EFL1: variants seen among roughly 807,000 people sequenced by gnomAD.
EFL1 encodes elongation factor-like GTPase 1.
EFL1 carries 76 observed loss-of-function variants against 126.7 expected under a neutral mutation model. That is an observed-to-expected ratio of 0.60 (90% CI 0.50 to 0.73). The LOEUF is 0.73. EFL1 is among the 30% of genes least tolerant of loss of function. EFL1 has a pLI of 0.00. For synonymous variants in EFL1, 410 were observed against 448.4 expected (o/e 0.91, Z 1.08); for missense variants, 1,128 against 1,343.2 (o/e 0.84, Z 2.50).
chr15:82,187,762 C>G (rs184610153), intron 15 of EFL1, among the ~76,000 whole-genome samples: 2 of 152,082 alleles, frequency 1.3e-5, no homozygotes, highest in African/African-American at 4.8e-5. Context: ...TTTATATGCA[C>G]AGTATCTAAA....
intron 15 of EFL1, among the ~76,000 whole-genome samples, chr15:82,205,787 T>C (rs2074518319): frequency 6.6e-6 from 1 of 152,234 alleles, no homozygotes; most frequent in Non-Finnish European, 1.5e-5. Flanking sequence ...TCTTATACAA[T>C]ATCTATGGCA....
intron 4 of EFL1, among the ~76,000 whole-genome samples, chr15:82,251,344 T>G (rs990919699): frequency 6.6e-6 from 1 of 152,168 alleles, no homozygotes; most frequent in African/African-American, 2.4e-5. Flanking sequence ...CCTACAATAC[T>G]ACACCAGAAA....
chr15:82,157,625 C>T (rs2073981743), intron 17 of EFL1, 88 bp downstream of exon 17: 1 of 1,402,806 alleles, frequency 7.1e-7, no homozygotes. Flanking sequence ...AAATAAGCCG[C>T]AGTCTAAGTT....
At chr15:82,141,700 A>AG (rs1430409178) in intron 18 of EFL1, among the ~76,000 whole-genome samples, 2 of 151,390 alleles carry the variant, frequency 1.3e-5, no homozygotes, top group Non-Finnish European at 2.9e-5. Flanking sequence ...AAAAAAAAAA[A>AG]CAAAAAAGAA....
Position 82,152,008 on chromosome 15 carries a change from A to G in EFL1, c.2446T>C (p.Trp816Arg). ...KLEQHLTGRR[W>R]RNIVDQIWSF... Reference sequence around the variant, plus strand: ...CAGATTTGGTCAACAATGTTCCTCCATCTTCTCCCTGTTAGGTGTTGCTCC... The same window carrying G: ...CAGATTTGGTCAACAATGTTCCTCCGTCTTCTCCCTGTTAGGTGTTGCTCC... Residue 816 changes from tryptophan (W) to arginine (R), a missense_variant, in exon 18 of 20, where the codon TGG (tryptophan) becomes CGG (arginine). Physicochemically the swap from Trp to Arg is moderately radical, Grantham distance 101. Around this residue, in one of 6 missense-constraint regions of EFL1, gnomAD observed 561 missense variants for 641.7 expected, o/e 0.87. Transcript: ENST00000268206. 6.2e-7 allele frequency: 1 copy of G among 1,614,056 alleles called. No homozygotes were observed. The highest frequency in any genetic ancestry group is 8.5e-7 in the Non-Finnish European group (1 of 1,179,998).
intron 12 of EFL1, among the ~76,000 whole-genome samples, chr15:82,224,474 T>G (rs2074741630): frequency 6.6e-6 from 1 of 152,130 alleles, no homozygotes; most frequent in Non-Finnish European, 1.5e-5. Context: ...CTCAAGACAG[T>G]GAGGATCATT....
chr15:82,155,827 T>G (rs994041212), intron 17 of EFL1, among the ~76,000 whole-genome samples: 21 of 152,264 alleles, frequency 1.4e-4, no homozygotes, highest in African/African-American at 5.1e-4. Context: ...CATCAATTAG[T>G]AATAAGTTGA....
chr15:82,232,876 A>G (rs2074836411), intron 7 of EFL1, among the ~76,000 whole-genome samples: 1 of 152,014 alleles, frequency 6.6e-6, no homozygotes, highest in Non-Finnish European at 1.5e-5. Context: ...GATCAGTTAG[A>G]TTTCTGGTGT....
At chr15:82,159,162 T>G (rs74883851) in intron 16 of EFL1, among the ~76,000 whole-genome samples, 2 of 151,940 alleles carry the variant, frequency 1.3e-5, no homozygotes, top group Non-Finnish European at 2.9e-5. Flanking sequence ...ATTTTTTTTT[T>G]GTCTAATTAA....
intron 18 of EFL1, among the ~76,000 whole-genome samples, chr15:82,150,692 G>C (rs2073897383): frequency 6.6e-6 from 1 of 152,180 alleles, no homozygotes; most frequent in Non-Finnish European, 1.5e-5. Flanking sequence ...AATAGGATTT[G>C]ATATAATGGT....
intron 19 of EFL1, among the ~76,000 whole-genome samples, chr15:82,134,111 C>T (rs1375194664): frequency 2.0e-5 from 3 of 152,098 alleles, no homozygotes; most frequent in African/African-American, 7.2e-5. Flanking sequence ...GTTAAAAGTC[C>T]CAATATCATA....
chr15:82,148,377 C>CA (rs547889990), intron 18 of EFL1, among the ~76,000 whole-genome samples: 20,983 of 94,036 alleles, frequency 0.22, 2,491 homozygotes, highest in African/African-American at 0.41. Flanking sequence ...GAATCCATCT[C>CA]AAAAAAAAAA....
At chr15:82,130,906 T>C (rs576441139) in intron 19 of EFL1, among the ~76,000 whole-genome samples, 24 of 152,072 alleles carry the variant, frequency 1.6e-4, no homozygotes, top group Non-Finnish European at 2.8e-4. Flanking sequence ...TCCCTGCTAC[T>C]AGGGAGGCTG....
chr15:82,259,203 G>A lies in EFL1; in HGVS notation c.92-48C>T, dbSNP rs566900243. 30 of 1,513,882 alleles carry A rather than the reference G, an allele frequency of 2.0e-5. No homozygotes were observed. The African/African-American group carries it at 2.9e-4, about 15-fold the overall frequency. 93.8% of individuals were successfully genotyped at this position (1,513,882 alleles called of 1,614,324 possible). On this transcript the variant is annotated intron_variant, in intron 2 of 19. Coordinates refer to ENST00000268206, the MANE Select transcript of EFL1 (RefSeq NM_024580.6). The stretch of plus-strand genomic sequence containing the variant: ...TCAAATCTATATCTTTTTTAAAAGG[G>A]GTCATGGATCATACCTATAGATTTA...
Position 82,261,697 on chromosome 15 carries a change from C to T in EFL1, c.82G>A (p.Val28Ile). 6.2e-7 allele frequency: 1 copy of T among 1,613,858 alleles called. No individual in the cohort carries two copies. Among genetic ancestry groups the T allele is most frequent in the Non-Finnish European group, 8.5e-7 (1 of 1,179,970 alleles). ...TAAAAAGTATTCTTACCATGGTCAA[C>T]ATGAGCCAAAACACAAATATTCCTG... Reference protein sequence around the residue: ...NIRNICVLAHVDHGKTTLADC... With the variant: ...NIRNICVLAHIDHGKTTLADC... The change falls in exon 2 of 20, where the codon GTT (valine) becomes ATT (isoleucine). Residue 28 changes from valine to isoleucine, a missense_variant. Transcript: ENST00000268206.
intron 14 of EFL1, among the ~76,000 whole-genome samples, chr15:82,218,709 G>A (rs1207750575): frequency 6.6e-6 from 1 of 152,182 alleles, no homozygotes; most frequent in Non-Finnish European, 1.5e-5. Flanking sequence ...CACACCAAGT[G>A]CTGCAATCTT....
At chr15:82,219,868 A>G in intron 13 of EFL1, 50 bp from the exon 14 acceptor site, 5 of 1,564,804 alleles carry the variant, frequency 3.2e-6, no homozygotes, top group Non-Finnish European at 4.3e-6. Context: ...TCTTAATTCA[A>G]GAACTGTCTG....
chr15:82,214,449 G>A lies in EFL1; in HGVS notation c.1750+268C>T, dbSNP rs13380317. 0.67 allele frequency among the ~76,000 whole-genome samples: 101,136 copies of A among 152,002 alleles called. 35,393 individuals carry two copies. Among genetic ancestry groups the A allele is most frequent in the African/African-American group, 0.89 (36,820 of 41,492 alleles). On this transcript the variant is annotated intron_variant, in intron 15 of 19. Coordinates refer to ENST00000268206, the MANE Select transcript of EFL1 (RefSeq NM_024580.6). ...TATGTGAACAGGAATTTCCCCTCTC[G>A]CTCTGAAATAAATGGAACTCCAGCT...
At chr15:82,163,659 G>T (rs2074046442) in intron 16 of EFL1, among the ~76,000 whole-genome samples, 194 bp downstream of exon 16, 3 of 152,206 alleles carry the variant, frequency 2.0e-5, no homozygotes. Flanking sequence ...TCCCTGGACA[G>T]CAAAGGTACC....
Sources: allele counts gnomAD v4.1 joint callset (sites outside exome capture counted in the v4.1 genomes callset), GRCh38; gene constraint gnomAD v4.1.1; regional missense constraint gnomAD v4.1.1; transcripts MANE v1.5; gene names NCBI Gene and HGNC (gene_info 2026-07-23, HGNC 2026-07-21).